VPS54: variants seen among roughly 807,000 people sequenced by gnomAD.
VPS54 encodes the protein VPS54 subunit of GARP complex.
A neutral mutation model predicts 121.5 loss-of-function variants in VPS54; 45 were observed. The ratio of observed to expected loss-of-function variants is 0.37; its 90% CI spans 0.29 to 0.47. VPS54 has a LOEUF of 0.47. Ranked by LOEUF, VPS54 falls within the 20% of genes least tolerant of loss-of-function variation. VPS54 has a pLI of 0.99. For synonymous variants in VPS54, 371 were observed against 385.8 expected, an observed-to-expected ratio of 0.96 and a Z score of 0.45; for missense variants, 1,090 against 1,131.4, an observed-to-expected ratio of 0.96 and a Z score of 0.52.
chr2:64,000,804 G>A (rs962059240), intron 1 of VPS54, among the ~76,000 whole-genome samples: 12 of 152,204 alleles, frequency 7.9e-5, no homozygotes, highest in African/African-American at 2.4e-4. Flanking sequence ...GGTCAACACT[G>A]GCACTGCACT....
intron 8 of VPS54, among the ~76,000 whole-genome samples, chr2:63,948,143 T>C (rs1005010335): frequency 1.3e-5 from 2 of 152,124 alleles, no homozygotes; most frequent in African/African-American, 4.8e-5. Context: ...TGCTTTGTAA[T>C]GCATAGTCTA....
chr2:63,931,172 A>G (rs1674180824), intron 12 of VPS54, among the ~76,000 whole-genome samples: 1 of 151,504 alleles, frequency 6.6e-6, no homozygotes, highest in African/African-American at 2.4e-5. Flanking sequence ...TACTAATGGA[A>G]CCAAAAAAGA....
intron 2 of VPS54, among the ~76,000 whole-genome samples, chr2:63,982,943 G>A (rs908974319): frequency 3.3e-5 from 5 of 152,226 alleles, no homozygotes; most frequent in Non-Finnish European, 5.9e-5. Context: ...CAAATGTGCC[G>A]CAAGTAGTGA....
At chr2:63,970,103 T>C (rs1676196072) in intron 4 of VPS54, among the ~76,000 whole-genome samples, 1 of 151,496 alleles carries the variant, frequency 6.6e-6, no homozygotes, top group African/African-American at 2.4e-5. Flanking sequence ...TGAGCTTGGT[T>C]AATCAGTTTA....
At position 63,912,673 on chromosome 2, in the gene VPS54, G is replaced by A. The variant is rs556577275; in HGVS notation, c.2423-12C>T. ...TCGTGAAGAAAGAGCTGAAGATCCA[G>A]GGAGTAGATATATAATGGAGAAATA... On this transcript the variant is annotated splice_polypyrimidine_tract_variant and intron_variant, in intron 18 of 22. Transcript: ENST00000272322. 2 of 1,562,758 alleles carry A rather than the reference G, an allele frequency of 1.3e-6. No homozygotes were observed. Among genetic ancestry groups the A allele is most frequent in the East Asian group, 2.3e-5 (1 of 42,868 alleles).
intron 12 of VPS54, among the ~76,000 whole-genome samples, chr2:63,925,279 G>C (rs1488968522): frequency 1.3e-5 from 2 of 152,184 alleles, no homozygotes; most frequent in Non-Finnish European, 2.9e-5. Flanking sequence ...GCCAATGAAT[G>C]TATGAAAAGG....
intron 22 of VPS54, among the ~76,000 whole-genome samples, chr2:63,895,285 C>A (rs1406279242): frequency 6.6e-6 from 1 of 152,152 alleles, no homozygotes; most frequent in Non-Finnish European, 1.5e-5. Context: ...GTAAAACCGT[C>A]TCTACTAAAA....
intron 4 of VPS54, among the ~76,000 whole-genome samples, chr2:63,971,035 C>T (rs1244438614): frequency 1.3e-5 from 2 of 152,132 alleles, no homozygotes; most frequent in African/African-American, 4.8e-5. Flanking sequence ...AAAATTCCTC[C>T]TCCTATATTG....
chr2:63,937,642 G>A (rs1173950458), intron 11 of VPS54, among the ~76,000 whole-genome samples: 1 of 152,116 alleles, frequency 6.6e-6, no homozygotes, highest in Non-Finnish European at 1.5e-5. Context: ...CAATTCTGGG[G>A]TTGACAAAAA....
chr2:63,990,946 G>C (rs548004682), intron 1 of VPS54, among the ~76,000 whole-genome samples: 1 of 152,190 alleles, frequency 6.6e-6, no homozygotes, highest in Admixed American at 6.5e-5. Flanking sequence ...TTTAGACTGG[G>C]ACCTTTTGGC....
intron 1 of VPS54, among the ~76,000 whole-genome samples, chr2:64,001,444 C>A (rs963372769): frequency 6.6e-6 from 1 of 152,170 alleles, no homozygotes; most frequent in African/African-American, 2.4e-5. Context: ...CAGAGTCTCT[C>A]ACTGTAGCCA....
At chr2:63,907,732 T>C (rs1672966554) in intron 20 of VPS54, among the ~76,000 whole-genome samples, 1 of 152,100 alleles carries the variant, frequency 6.6e-6, no homozygotes, top group Non-Finnish European at 1.5e-5. Context: ...GGAACACTTA[T>C]AAGACAAACA....
intron 1 of VPS54, among the ~76,000 whole-genome samples, chr2:63,997,659 T>C (rs774258458): frequency 6.6e-6 from 1 of 152,034 alleles, no homozygotes; most frequent in Non-Finnish European, 1.5e-5. Context: ...CCCAACGTTT[T>C]ATTGATCTTT....
intron 1 of VPS54, among the ~76,000 whole-genome samples, chr2:64,003,516 TTC>T (rs529609067): frequency 6.6e-6 from 1 of 152,206 alleles, no homozygotes; most frequent in Non-Finnish European, 1.5e-5. Context: ...TTCTTGATGT[TTC>T]TGTTTTTCTG....
At chr2:63,897,039 T>G (rs1052655011) in intron 22 of VPS54, among the ~76,000 whole-genome samples, 1 of 152,180 alleles carries the variant, frequency 6.6e-6, no homozygotes, top group Non-Finnish European at 1.5e-5. Flanking sequence ...TACAGTAATA[T>G]ATACAATCTT....
At chr2:63,976,825 CT>C (rs1174931536) in intron 3 of VPS54, among the ~76,000 whole-genome samples, 10,082 of 89,374 alleles carry the variant, frequency 0.11, 207 homozygotes, top group East Asian at 0.2. Flanking sequence ...TATATCTTCT[CT>C]TTTTTTTTTT....
chr2:63,984,057 A>ATACTAATTAAGAC, intron 1 of VPS54, 38 bp from the exon 2 acceptor site: 1 of 1,495,002 alleles, frequency 6.7e-7, no homozygotes, highest in Non-Finnish European at 9.0e-7. Flanking sequence ...AGACACCGCA[A>ATACTAATTAAGAC]ATCAAAATCC....
intron 1 of VPS54, among the ~76,000 whole-genome samples, chr2:64,003,160 A>C (rs912405438): frequency 2.6e-5 from 4 of 152,210 alleles, no homozygotes; most frequent in Non-Finnish European, 5.9e-5. Flanking sequence ...ACTCAGAAAA[A>C]AAATCAGTTC....
chr2:63,893,603 GC>G, intron 22 of VPS54, 68 bp from the exon 23 acceptor site: 1 of 1,364,086 alleles, frequency 7.3e-7, no homozygotes, highest in South Asian at 1.3e-5. Flanking sequence ...AAGTAACAGT[GC>G]TCACCGAGTC....
Sources: allele counts gnomAD v4.1 joint callset (sites outside exome capture counted in the v4.1 genomes callset), GRCh38; gene constraint gnomAD v4.1.1; transcripts MANE v1.5; gene names NCBI Gene and HGNC (gene_info 2026-07-23, HGNC 2026-07-21).